Variants in NOX3 observed in about 807,000 individuals in gnomAD.
NOX3 encodes the protein NADPH oxidase catalytic subunit-like 3.
Under a neutral mutation model 76.7 loss-of-function variants are expected in NOX3, and 74 were observed. That is an observed-to-expected ratio of 0.96 (90% CI 0.80 to 1.17). The LOEUF (loss-of-function observed/expected upper bound fraction) is 1.17. Ranked by LOEUF, NOX3 falls within the 50% of genes most tolerant of loss-of-function variation. The pLI is 0.00. For synonymous variants in NOX3, 263 were observed against 261.1 expected (o/e 1.01, Z -0.07); for missense variants, 695 against 703.3 (o/e 0.99, Z 0.13).
intron 13 of NOX3, 47 bp downstream of exon 13, chr6:155,396,762 T>C (rs1779143659): frequency 1.3e-6 from 2 of 1,494,696 alleles, no homozygotes; most frequent in South Asian, 1.3e-5. Flanking sequence ...TGGCCCCTTA[T>C]GGGAAGAGTT....
intron 12 of NOX3, among the ~76,000 whole-genome samples, chr6:155,406,153 CTT>C (rs1021467749): frequency 2.6e-5 from 4 of 152,192 alleles, no homozygotes; most frequent in Non-Finnish European, 4.4e-5. Context: ...GACATGCCGA[CTT>C]TTAAGAGCCG....
At chr6:155,409,193 G>A (rs1467311415) in intron 11 of NOX3, among the ~76,000 whole-genome samples, 1 of 152,162 alleles carries the variant, frequency 6.6e-6, no homozygotes. Flanking sequence ...TTGGGGTATA[G>A]GACTCCGAGC....
chr6:155,426,433 C>T (rs1776755640), intron 9 of NOX3, among the ~76,000 whole-genome samples: 1 of 152,032 alleles, frequency 6.6e-6, no homozygotes, highest in South Asian at 2.1e-4. Context: ...GTGGTATGTA[C>T]TATAAAGAAA....
At chr6:155,436,070 G>C (rs1440614581) in intron 7 of NOX3, among the ~76,000 whole-genome samples, 1 of 152,174 alleles carries the variant, frequency 6.6e-6, no homozygotes, top group Non-Finnish European at 1.5e-5. Flanking sequence ...GACTGGGATG[G>C]AAGTTATGCA....
At position 155,422,749 on chromosome 6, in the gene NOX3, A is replaced by G; in HGVS notation, c.1253T>C (p.Leu418Pro). The stretch of plus-strand genomic sequence containing the variant: ...ACTGCATTTGTACCATATAGATTTC[A>G]GAAGAGCAGCGAAGGGAGTGACTCC... ...GIGVTPFAAL[L>P]KSIWYKCSEA... is the part of the protein sequence containing the mutation. Residue 418 changes from leucine (L) to proline (P), a missense_variant, in exon 10 of 14, where the codon CTG becomes CCG. Physicochemically the swap from Leu to Pro is moderately conservative, Grantham distance 98 (BLOSUM62 -3). Transcript: ENST00000159060. 2.5e-6 allele frequency: 4 copies of G among 1,614,172 alleles called. No individual in the cohort carries two copies. Among genetic ancestry groups the G allele is most frequent in the Non-Finnish European group, 3.4e-6 (4 of 1,180,014 alleles).
chr6:155,435,685 T>C (rs1776895121), intron 7 of NOX3, among the ~76,000 whole-genome samples: 1 of 152,182 alleles, frequency 6.6e-6, no homozygotes, highest in Non-Finnish European at 1.5e-5. Flanking sequence ...GCCAGATGCA[T>C]TTATTTTCTT....
chr6:155,404,402 T>A lies in NOX3; in HGVS notation c.1580+2728A>T, dbSNP rs183675956. On this transcript the variant is annotated intron_variant, in intron 12 of 13. Transcript: ENST00000159060. ...CAGGATGGGTTGGAAGCACCTCATTTGGAGAGAAGGTAGAACCAGAACTGG... is the reference window on the plus strand; with the variant it reads ...CAGGATGGGTTGGAAGCACCTCATTAGGAGAGAAGGTAGAACCAGAACTGG... Among the ~76,000 whole-genome samples, 676 of 152,178 alleles carry A rather than the reference T, an allele frequency of 4.4e-3. 2 individuals carry two copies. The highest frequency in any genetic ancestry group is 0.012 in the Admixed American group (184 of 15,284).
chr6:155,433,977 G>A (rs1335278851), intron 7 of NOX3, among the ~76,000 whole-genome samples: 1 of 152,150 alleles, frequency 6.6e-6, no homozygotes, highest in African/African-American at 2.4e-5. Context: ...GAAATAAAAC[G>A]ATGTTGATTC....
chr6:155,410,239 CAG>C (rs1169699164), intron 11 of NOX3, among the ~76,000 whole-genome samples: 4 of 152,042 alleles, frequency 2.6e-5, no homozygotes, highest in East Asian at 1.9e-4. Flanking sequence ...GAATTTCTAG[CAG>C]AGTCTTATTC....
At chr6:155,447,414 G>C (rs1441680438) in intron 4 of NOX3, among the ~76,000 whole-genome samples, 1 of 152,196 alleles carries the variant, frequency 6.6e-6, no homozygotes, top group Non-Finnish European at 1.5e-5. Context: ...ATTTCCACAT[G>C]AGAATTTGAC....
At chr6:155,438,293 C>T (rs1168122932) in intron 6 of NOX3, among the ~76,000 whole-genome samples, 2 of 152,132 alleles carry the variant, frequency 1.3e-5, no homozygotes, top group Non-Finnish European at 2.9e-5. Context: ...CTTGCCCATC[C>T]CAAGTACAAA....
intron 9 of NOX3, among the ~76,000 whole-genome samples, chr6:155,427,182 T>C (rs1029419009): frequency 2.1e-4 from 32 of 152,110 alleles, no homozygotes; most frequent in African/African-American, 6.5e-4. Flanking sequence ...CTCATCTGAT[T>C]TGGGGCTCTG....
At chr6:155,448,204 T>C (rs2114708650) in intron 4 of NOX3, among the ~76,000 whole-genome samples, 1 of 152,306 alleles carries the variant, frequency 6.6e-6, no homozygotes, top group Admixed American at 6.5e-5. Context: ...CTTCCAGCTG[T>C]GTGGCTCCTG....
Position 155,409,044 on chromosome 6 carries a change from C to T in NOX3, c.1456-1790G>A, listed in dbSNP as rs750214817. Among the ~76,000 whole-genome samples the T allele has an allele frequency of 5.3e-5, 8 of 151,986 alleles. No individual in the cohort carries two copies. The East Asian group carries it at 9.6e-4, about 18-fold the overall frequency. ...GGTAATGGGTAACCCCACCAGTATG[C>T]GCTATACCCATGTAACAAATGGGCA... is the stretch of plus-strand genomic sequence containing the variant. On this transcript the variant is annotated intron_variant, in intron 11 of 13. Transcript: ENST00000159060.
chr6:155,418,673 T>C (rs934395425), intron 10 of NOX3, among the ~76,000 whole-genome samples: 5 of 152,034 alleles, frequency 3.3e-5, no homozygotes, highest in East Asian at 1.9e-4. Flanking sequence ...GTACTACTTA[T>C]GACGCTTCCC....
intron 13 of NOX3, 92 bp downstream of exon 13, chr6:155,396,717 C>T: frequency 1.0e-6 from 1 of 995,752 alleles, no homozygotes; most frequent in Non-Finnish European, 1.4e-6. Context: ...GAGAGTCGGA[C>T]CATACAGTGC....
At chr6:155,411,725 C>T (rs1439042637) in intron 10 of NOX3, among the ~76,000 whole-genome samples, 2 of 152,184 alleles carry the variant, frequency 1.3e-5, no homozygotes, top group African/African-American at 4.8e-5. Flanking sequence ...TAGACCAACC[C>T]CTTCATCTTT....
chr6:155,453,510 C>A lies in NOX3; in HGVS notation c.256-22G>T, dbSNP rs759455269. On this transcript the variant is annotated intron_variant, in intron 3 of 13. Transcript: ENST00000159060. ...AGCACTAGAGTAACAAAAAAATATG[C>A]CTGATTTATGGAAAAATTGCAGTGA... 3 of 1,569,074 alleles carry A rather than the reference C, an allele frequency of 1.9e-6. No homozygotes were observed. The South Asian group carries it at 3.3e-5, about 17-fold the overall frequency.
At chr6:155,405,040 A>G (rs1449165913) in intron 12 of NOX3, among the ~76,000 whole-genome samples, 2 of 152,062 alleles carry the variant, frequency 1.3e-5, no homozygotes, top group Non-Finnish European at 2.9e-5. Flanking sequence ...AGCCAAAATG[A>G]CCATAAGATA....
Sources: gnomAD v4.1 joint callset for allele counts (sites outside exome capture counted in the v4.1 genomes callset) on GRCh38, gnomAD v4.1.1 for gene constraint, MANE v1.5 for transcripts, NCBI Gene and HGNC (gene_info 2026-07-23, HGNC 2026-07-21) for gene names.